The following USP32 variants were observed in gnomAD, a reference collection of about 807,000 sequenced individuals.
USP32 encodes ubiquitin carboxyl-terminal hydrolase 32.
USP32 carries 59 observed loss-of-function variants against 204.8 expected under a neutral mutation model. The observed-to-expected ratio is 0.29, with a 90% CI of 0.23 to 0.36. The LOEUF (loss-of-function observed/expected upper bound fraction) is 0.36, where lower values mean the gene tolerates loss of function less well. Ranked by LOEUF, USP32 falls within the 10% of genes least tolerant of loss-of-function variation. USP32 has a pLI of 1.00. For synonymous variants in USP32, 517 were observed against 678.4 expected (o/e 0.76, Z 3.70); for missense variants, 1,160 against 1,946.4 (o/e 0.60, Z 7.60).
chr17:60,398,432 C>T (rs2089913989), intron 1 of USP32, among the ~76,000 whole-genome samples: 1 of 151,778 alleles, frequency 6.6e-6, no homozygotes, highest in East Asian at 1.9e-4. Context: ...GTTTTGGCAA[C>T]CCTGTTTAGT....
chr17:60,298,222 G>A (rs1191079186), intron 3 of USP32, among the ~76,000 whole-genome samples: 4 of 152,078 alleles, frequency 2.6e-5, no homozygotes. Flanking sequence ...TGGCCCCTCC[G>A]ATAAGCTGTT....
intron 1 of USP32, among the ~76,000 whole-genome samples, chr17:60,417,335 G>A (rs1293996714): frequency 6.6e-6 from 1 of 151,828 alleles, no homozygotes; most frequent in African/African-American, 2.4e-5. Context: ...TTTTTGGTGG[G>A]GAGTCTCTCT....
chr17:60,329,299 T>C (rs2088321005), intron 2 of USP32, among the ~76,000 whole-genome samples: 1 of 151,204 alleles, frequency 6.6e-6, no homozygotes. Flanking sequence ...CATGTAAGAA[T>C]TGTCCTAAGA....
rs1356348955 is a variant in USP32 at position 60,190,559 on chromosome 17, T to G, written c.3642+4A>C. 2 of 1,575,240 alleles carry G rather than the reference T, an allele frequency of 1.3e-6. No homozygotes were observed. The highest frequency in any genetic ancestry group is 1.7e-6 in the Non-Finnish European group (2 of 1,167,772). On this transcript the variant is annotated splice_donor_region_variant and intron_variant, in intron 29 of 33. Transcript: ENST00000300896. The stretch of plus-strand genomic sequence containing the variant: ...ACCATTTTATGGTGGCCCTAAATAC[T>G]TACCCTTTCCTGGGATGTTTGATAG...
intron 9 of USP32, among the ~76,000 whole-genome samples, chr17:60,259,000 G>A (rs1567809081): frequency 6.6e-6 from 1 of 152,034 alleles, no homozygotes; most frequent in African/African-American, 2.4e-5. Context: ...TTCTTATTTA[G>A]TGGCCCCTTT....
chr17:60,397,071 G>A (rs1223620930), upstream of USP32, among the ~76,000 whole-genome samples: 3 of 152,086 alleles, frequency 2.0e-5, no homozygotes, highest in African/African-American at 7.2e-5. Context: ...GTACATTTAG[G>A]CCAGTCTCTT....
chr17:60,360,647 C>G (rs2089187481), intron 1 of USP32, among the ~76,000 whole-genome samples: 1 of 151,870 alleles, frequency 6.6e-6, no homozygotes, highest in African/African-American at 2.4e-5. Context: ...TGCACTCCAG[C>G]CTGGGCAACA....
In USP32 at chr17:60,226,120, G is replaced by A. The variant is rs1242466098; in HGVS notation, c.1351C>T (p.Leu451Phe). Residue 451 changes from leucine (L) to phenylalanine (F), a missense_variant, in exon 13 of 34, where the codon CTC becomes TTC. Leu to Phe is a conservative substitution (Grantham distance 22). Around this residue, in one of 8 missense-constraint regions of USP32, gnomAD observed 536 missense variants for 680.9 expected, o/e 0.79. Coordinates refer to ENST00000300896, the MANE Select transcript of USP32 (RefSeq NM_032582.4). The stretch of plus-strand genomic sequence containing the variant: ...TCTTCTGTAGTATTCACGTAACTGA[G>A]GCTGCTTCCAATTCTATCTTCGACC... ...EQVEDRIGSSLSYVNTTEEKF... is the reference protein window; with the variant it reads ...EQVEDRIGSSFSYVNTTEEKF... 7.5e-6 allele frequency: 12 copies of A among 1,607,900 alleles called. No homozygotes were observed. The highest frequency in any genetic ancestry group is 1.6e-4 in the Middle Eastern group (1 of 6,068).
In USP32 at chr17:60,391,962, G is replaced by A. The variant is rs2146145777; in HGVS notation, c.-23C>T. The A allele has an allele frequency of 1.2e-6, 2 of 1,607,100 alleles. No individual in the cohort carries two copies. The highest frequency in any genetic ancestry group is 1.7e-6 in the Non-Finnish European group (2 of 1,177,106). On this transcript the variant is annotated 5_prime_UTR_variant, in exon 1 of 34. Coordinates refer to ENST00000300896, the MANE Select transcript of USP32 (RefSeq NM_032582.4). ...CATGCTCCCCTCATCCCCTCGGCGG[G>A]GGGTCGGAGCCTGATCTCGCCCCCA...
intron 28 of USP32, among the ~76,000 whole-genome samples, chr17:60,191,317 G>T (rs2084373338): frequency 6.8e-6 from 1 of 147,890 alleles, no homozygotes; most frequent in Non-Finnish European, 1.5e-5. Context: ...TGGGAGAATT[G>T]CTTGAACCTG....
At chr17:60,270,035 T>A (rs2086688335) in intron 6 of USP32, among the ~76,000 whole-genome samples, 1 of 152,210 alleles carries the variant, frequency 6.6e-6, no homozygotes, top group African/African-American at 2.4e-5. Context: ...GAAGATACAC[T>A]ATGCAACATA....
chr17:60,325,726 A>G (rs902803792), intron 2 of USP32, among the ~76,000 whole-genome samples: 1 of 152,106 alleles, frequency 6.6e-6, no homozygotes, highest in Admixed American at 6.6e-5. Flanking sequence ...CAGCAGTTCA[A>G]CACCAGCCTG....
chr17:60,297,847 G>A (rs890672822), intron 3 of USP32, among the ~76,000 whole-genome samples: 6 of 152,132 alleles, frequency 3.9e-5, no homozygotes, highest in Non-Finnish European at 5.9e-5. Flanking sequence ...AACAGTTGCA[G>A]CTCATTCACC....
chr17:60,418,245 C>T (rs887571820), intron 1 of USP32, among the ~76,000 whole-genome samples: 1 of 151,204 alleles, frequency 6.6e-6, no homozygotes, highest in Non-Finnish European at 1.5e-5. Context: ...GGCGTGAGAC[C>T]CCTCGCCTGG....
intron 27 of USP32, among the ~76,000 whole-genome samples, chr17:60,194,370 C>T (rs191437184): frequency 6.6e-6 from 1 of 152,174 alleles, no homozygotes; most frequent in African/African-American, 2.4e-5. Context: ...CTCATACGTT[C>T]CAGAACCTGG....
At chr17:60,281,419 T>A (rs1371503729) in intron 5 of USP32, among the ~76,000 whole-genome samples, 4 of 151,796 alleles carry the variant, frequency 2.6e-5, no homozygotes, top group African/African-American at 7.3e-5. Flanking sequence ...GCGCCTGTAA[T>A]CCCAGCTACT....
rs114636488 is a variant in USP32, at chr17:60,368,169, T to C, written c.59-22561A>G. On this transcript the variant is annotated intron_variant, in intron 1 of 33. Coordinates refer to ENST00000300896, the MANE Select transcript of USP32 (RefSeq NM_032582.4). ...CAAAACAAAATTCCACCTAATCAAC[T>C]TCACCCTGTTTCATACAATTCCAAC... is the stretch of plus-strand genomic sequence containing the variant. Among the ~76,000 whole-genome samples, 186 of 152,224 alleles carry C rather than the reference T, an allele frequency of 1.2e-3. 1 individual carries two copies. Among genetic ancestry groups the C allele is most frequent in the African/African-American group, 4.4e-3 (183 of 41,544 alleles).
Position 60,238,797 on chromosome 17 carries a change from C to G in USP32, c.1137-2557G>C, listed in dbSNP as rs377747179. Among the ~76,000 whole-genome samples, 257 of 144,380 alleles carry G rather than the reference C, an allele frequency of 1.8e-3. 2 individuals are homozygous for G. Among genetic ancestry groups the G allele is most frequent in the African/African-American group, 5.5e-3 (215 of 39,070 alleles). 94.7% of individuals were successfully genotyped at this position (144,380 alleles called of 152,430 possible). Reference sequence around the variant, plus strand: ...CCAGCCTGGGCAACAGAGCGAGACTCCATCTCAAAAAAAAAAAAAAAAAAA... The same window carrying G: ...CCAGCCTGGGCAACAGAGCGAGACTGCATCTCAAAAAAAAAAAAAAAAAAA... On this transcript the variant is annotated intron_variant, in intron 11 of 33. Transcript: ENST00000300896.
chr17:60,186,637 C>T (rs1261280846), intron 29 of USP32, among the ~76,000 whole-genome samples: 2 of 152,162 alleles, frequency 1.3e-5, no homozygotes, highest in Non-Finnish European at 1.5e-5. Context: ...TAATACTCAC[C>T]CAAACCTTTG....
Sources: allele counts gnomAD v4.1 joint callset (sites outside exome capture counted in the v4.1 genomes callset), GRCh38; gene constraint gnomAD v4.1.1; regional missense constraint gnomAD v4.1.1; transcripts MANE v1.5; gene names NCBI Gene and HGNC (gene_info 2026-07-23, HGNC 2026-07-21).